The following KCNJ2 variants were observed in gnomAD, a reference collection of about 807,000 sequenced individuals.
KCNJ2 encodes the protein potassium inwardly rectifying channel subfamily J member 2, also known as inward rectifier potassium channel 2.
A neutral mutation model predicts 28.4 loss-of-function variants in KCNJ2; 12 were observed. The ratio of observed to expected loss-of-function variants is 0.42; its 90% CI spans 0.27 to 0.68. The LOEUF is 0.68. Ranked by LOEUF, KCNJ2 falls within the 30% of genes least tolerant of loss-of-function variation. The probability of loss-of-function intolerance (pLI) is 0.23; values close to 1 mark genes in which losing one functional copy is unlikely to be tolerated. For synonymous variants in KCNJ2, 200 were observed against 203.2 expected (o/e 0.98, Z 0.13); for missense variants, 320 against 551.3 (o/e 0.58, Z 4.20).
At chr17:70,172,964 AG>A (rs1196152148) in intron 1 of KCNJ2, among the ~76,000 whole-genome samples, 1 of 152,226 alleles carries the variant, frequency 6.6e-6, no homozygotes, top group African/African-American at 2.4e-5. Flanking sequence ...CAAACTTCAC[AG>A]GGAAGCAGAC....
At position 70,179,819 on chromosome 17, in the gene KCNJ2, T is replaced by C. The variant is rs3815307; in HGVS notation, c.*3496T>C. On this transcript the variant is annotated 3_prime_UTR_variant, in exon 2 of 2. Coordinates refer to ENST00000243457, the MANE Select transcript of KCNJ2 (RefSeq NM_000891.3). ...ATAGCTACCTGCCCATCCCCAACCCTCAGCAAAGTAGAATCTCTTTTCTGG... is the reference window on the plus strand; with the variant it reads ...ATAGCTACCTGCCCATCCCCAACCCCCAGCAAAGTAGAATCTCTTTTCTGG... The C allele has an allele frequency of 0.018, 3,040 of 166,992 alleles. 105 individuals carry two copies. Among genetic ancestry groups the C allele is most frequent in the East Asian group, 0.11 (557 of 5,162 alleles). The allele number at this position is 166,992 out of a possible 1,614,324, so 10.3% of individuals were successfully genotyped here.
At chr17:70,173,763 G>T (rs2074377044) in intron 1 of KCNJ2, among the ~76,000 whole-genome samples, 1 of 152,194 alleles carries the variant, frequency 6.6e-6, no homozygotes, top group South Asian at 2.1e-4. Context: ...TTACACAGTT[G>T]TCTCTGTCTG....
chr17:70,176,312 T>C lies in KCNJ2; in HGVS notation c.1273T>C (p.Ser425Pro). The C allele has an allele frequency of 6.2e-7, 1 of 1,613,150 alleles. No homozygotes were observed. Residue 425 changes from serine (S) to proline (P), a missense_variant, in exon 2 of 2, where the codon TCG becomes CCG. By Grantham distance (74) the Ser-to-Pro change is moderately conservative. Around this residue, in one of 3 missense-constraint regions of KCNJ2, gnomAD observed 155 missense variants for 231.6 expected, o/e 0.67. Coordinates refer to ENST00000243457, the MANE Select transcript of KCNJ2 (RefSeq NM_000891.3). The part of the protein sequence containing the change: ...PLEPRPLRRE[S>P]EI Reference sequence around the variant, plus strand: ...AGAGCCCAGGCCCTTACGGCGAGAGTCGGAGATATGACTGACTGATTCCTT... The same window carrying C: ...AGAGCCCAGGCCCTTACGGCGAGAGCCGGAGATATGACTGACTGATTCCTT...
At position 70,174,874 on chromosome 17, in the gene KCNJ2, G is replaced by A; in HGVS notation, c.-166G>A. 4.2e-6 allele frequency: 3 copies of A among 707,872 alleles called. No individual in the cohort carries two copies. The highest frequency in any genetic ancestry group is 7.6e-6 in the Non-Finnish European group (3 of 396,598). 43.8% of individuals were successfully genotyped at this position (707,872 alleles called of 1,614,324 possible). A position where few individuals can be genotyped will look rare whatever the true frequency, so the allele number is the denominator to read the frequency against. ...GTCATTAAAGTAACTCTGCATGTCAGTAGACAGACCTTGGTAGAACCACAA... is the reference window on the plus strand; with the variant it reads ...GTCATTAAAGTAACTCTGCATGTCAATAGACAGACCTTGGTAGAACCACAA... On this transcript the variant is annotated 5_prime_UTR_variant, in exon 2 of 2. Transcript: ENST00000243457.
In KCNJ2 at chr17:70,175,677, G is replaced by C; in HGVS notation, c.638G>C (p.Arg213Pro). The C allele has an allele frequency of 6.2e-7, 1 of 1,614,218 alleles. No homozygotes were observed. Residue 213 changes from arginine to proline, a missense_variant, in exon 2 of 2, where the codon CGA becomes CCA. Transcript: ENST00000243457. The surrounding 1 kb of genome is among the most constrained non-coding windows in gnomAD (Gnocchi z 8.3). ...MRDGKLCLMWRVGNLRKSHLV... is the reference protein window; with the variant it reads ...MRDGKLCLMWPVGNLRKSHLV... ...GACGGCAAGCTGTGTTTGATGTGGC[G>C]AGTGGGCAATCTTCGGAAAAGCCAC...
chr17:70,173,787 C>T (rs927075568), intron 1 of KCNJ2, among the ~76,000 whole-genome samples: 2 of 152,224 alleles, frequency 1.3e-5, no homozygotes, highest in Admixed American at 1.3e-4. Flanking sequence ...GAACACAGCA[C>T]TGGACTCACA....
chr17:70,173,786 A>T (rs1050868798), intron 1 of KCNJ2, among the ~76,000 whole-genome samples: 6 of 152,240 alleles, frequency 3.9e-5, no homozygotes, highest in African/African-American at 1.4e-4. Context: ...AGAACACAGC[A>T]CTGGACTCAC....
chr17:70,174,267 C>T lies in KCNJ2; in HGVS notation c.-216-557C>T, dbSNP rs147126738. ...TCCTCTAGCATTTCGTCAGCCTATCCGGTCTGCTCAGTTATATCATTTAAA... is the reference window on the plus strand; with the variant it reads ...TCCTCTAGCATTTCGTCAGCCTATCTGGTCTGCTCAGTTATATCATTTAAA... On this transcript the variant is annotated intron_variant, in intron 1 of 1. Coordinates refer to ENST00000243457, the MANE Select transcript of KCNJ2 (RefSeq NM_000891.3). Among the ~76,000 whole-genome samples the T allele has an allele frequency of 1.5e-4, 23 of 152,292 alleles. No individual in the cohort carries two copies. The South Asian group carries it at 2.1e-3, about 14-fold the overall frequency.
intron 1 of KCNJ2, among the ~76,000 whole-genome samples, chr17:70,172,823 T>G (rs907363727): frequency 3.9e-5 from 6 of 152,240 alleles, no homozygotes; most frequent in African/African-American, 1.4e-4. Flanking sequence ...TACCTGCGTT[T>G]GGTGTTGTTG....
intron 1 of KCNJ2, among the ~76,000 whole-genome samples, chr17:70,173,907 T>C (rs2074377836): frequency 2.0e-5 from 3 of 152,146 alleles, no homozygotes; most frequent in Admixed American, 2.0e-4. Flanking sequence ...TCAGGAGAAT[T>C]TCAGGGCTCT....
Position 70,174,820 on chromosome 17 carries a change from G to T in KCNJ2, c.-216-4G>T, listed in dbSNP as rs1009030436. 3 of 600,582 alleles carry T rather than the reference G, an allele frequency of 5.0e-6. No homozygotes were observed. 37.2% of individuals were successfully genotyped at this position (600,582 alleles called of 1,614,324 possible). A position where few individuals can be genotyped will look rare whatever the true frequency, so the allele number is the denominator to read the frequency against. ...TGTAATGCACAGTCTCTCTTTTCTTGCAGGACATGTTCTCTGGATGTCAGC... is the reference window on the plus strand; with the variant it reads ...TGTAATGCACAGTCTCTCTTTTCTTTCAGGACATGTTCTCTGGATGTCAGC... On this transcript the variant is annotated splice_polypyrimidine_tract_variant and splice_region_variant and intron_variant, in intron 1 of 1. Transcript: ENST00000243457.
rs1567822745 is a variant in KCNJ2 at position 70,174,940 on chromosome 17, G to A, written c.-100G>A. The stretch of plus-strand genomic sequence containing the variant: ...CCATCTCTCCTCATTTTTTTGGTGT[G>A]TGTGTCTTCACCGAACATTCAAAAC... On this transcript the variant is annotated 5_prime_UTR_variant, in exon 2 of 2. In the 5' UTR this introduces an upstream ATG that the reference lacks. Coordinates refer to ENST00000243457, the MANE Select transcript of KCNJ2 (RefSeq NM_000891.3). The A allele has an allele frequency of 9.6e-6, 11 of 1,151,246 alleles. No homozygotes were observed. The highest frequency in any genetic ancestry group is 1.3e-5 in the Non-Finnish European group (10 of 785,698). The allele number at this position is 1,151,246 out of a possible 1,614,324, so 71.3% of individuals were successfully genotyped here. A position where few individuals can be genotyped will look rare whatever the true frequency, so the allele number is the denominator to read the frequency against.
intron 1 of KCNJ2, among the ~76,000 whole-genome samples, chr17:70,173,411 T>G (rs1187583324): frequency 1.3e-5 from 2 of 152,334 alleles, no homozygotes; most frequent in East Asian, 3.9e-4. Flanking sequence ...TGCCCCCCTT[T>G]AATATAGCAG....
intron 1 of KCNJ2, among the ~76,000 whole-genome samples, chr17:70,173,080 C>T (rs1278046145): frequency 6.6e-6 from 1 of 152,088 alleles, no homozygotes; most frequent in Non-Finnish European, 1.5e-5. Flanking sequence ...TCAAAAGCTG[C>T]CAAAATGTAA....
At chr17:70,173,355 T>C (rs2074374723) in intron 1 of KCNJ2, among the ~76,000 whole-genome samples, 1 of 152,218 alleles carries the variant, frequency 6.6e-6, no homozygotes, top group Non-Finnish European at 1.5e-5. Context: ...GGAGTCTTCA[T>C]TATCAGGCAT....
Position 70,179,691 on chromosome 17 carries a change from A to G in KCNJ2, c.*3368A>G, listed in dbSNP as rs2144382751. 1 of 166,698 alleles carries G rather than the reference A, an allele frequency of 6.0e-6. No individual in the cohort carries two copies. The highest frequency in any genetic ancestry group is 6.5e-5 in the Admixed American group (1 of 15,286). 10.3% of individuals were successfully genotyped at this position (166,698 alleles called of 1,614,324 possible). A position where few individuals can be genotyped will look rare whatever the true frequency, so the allele number is the denominator to read the frequency against. ...TAATAAATGTCACTTCATATTTTAT[A>G]ATAAACCACTCAGTAAAAGCAAAAG... On this transcript the variant is annotated 3_prime_UTR_variant, in exon 2 of 2. Transcript: ENST00000243457.
In KCNJ2 at chr17:70,169,558, C is replaced by G. The variant is rs2074353198; in HGVS notation, c.-360C>G. 1 of 152,430 alleles carries G rather than the reference C, an allele frequency of 6.6e-6. No homozygotes were observed. Among genetic ancestry groups the G allele is most frequent in the Admixed American group, 6.5e-5 (1 of 15,288 alleles). The allele number at this position is 152,430 out of a possible 1,614,324, so 9.4% of individuals were successfully genotyped here. The stretch of plus-strand genomic sequence containing the variant: ...GAGCGCACTGGAGCCCTGGCCAGCG[C>G]GCAGCCTTCCCGGCGCCGGCGGGCT... On this transcript the variant is annotated 5_prime_UTR_variant, in exon 1 of 2. Coordinates refer to ENST00000243457, the MANE Select transcript of KCNJ2 (RefSeq NM_000891.3).
rs2074395467 is a variant in KCNJ2, at chr17:70,176,678, A to G, written c.*355A>G. ...ACAAGGATGTTTTTAATGGCATAAC[A>G]AAGGCAAGACTCTGCCTTAATTTTT... On this transcript the variant is annotated 3_prime_UTR_variant, in exon 2 of 2. Transcript: ENST00000243457. The G allele has an allele frequency of 3.1e-6, 1 of 320,526 alleles. No homozygotes were observed. The highest frequency in any genetic ancestry group is 6.3e-6 in the Non-Finnish European group (1 of 159,580). The allele number at this position is 320,526 out of a possible 1,614,324, so 19.9% of individuals were successfully genotyped here.
intron 1 of KCNJ2, among the ~76,000 whole-genome samples, chr17:70,170,992 T>C (rs979381878): frequency 6.6e-6 from 1 of 152,270 alleles, no homozygotes; most frequent in Non-Finnish European, 1.5e-5. Context: ...AAGAACACAG[T>C]CTTTCTACAT....
Sources: gnomAD v4.1 joint callset for allele counts (sites outside exome capture counted in the v4.1 genomes callset) on GRCh38, gnomAD v4.1.1 for gene constraint, gnomAD v4.1.1 regional missense constraint, Gnocchi (gnomAD v3.1) non-coding constraint, MANE v1.5 for transcripts, NCBI Gene and HGNC (gene_info 2026-07-23, HGNC 2026-07-21) for gene names.